FCHO2: variants seen among roughly 807,000 people sequenced by gnomAD.
The protein encoded by FCHO2 is FCH and mu domain containing endocytic adaptor 2.
A neutral mutation model predicts 114.1 loss-of-function variants in FCHO2; 43 were observed. The ratio of observed to expected loss-of-function variants is 0.38; its 90% CI spans 0.30 to 0.49. FCHO2 has a LOEUF of 0.49. Ranked by LOEUF, FCHO2 falls within the 20% of genes least tolerant of loss-of-function variation. The probability of loss-of-function intolerance (pLI) is 0.97; values close to 1 mark genes in which losing one functional copy is unlikely to be tolerated. For synonymous variants in FCHO2, 293 were observed against 315.2 expected (o/e 0.93, Z 0.75); for missense variants, 807 against 950.4 (o/e 0.85, Z 1.98).
At chr5:73,004,372 A>C (rs1000854299) in intron 5 of FCHO2, among the ~76,000 whole-genome samples, 51 of 152,266 alleles carry the variant, frequency 3.3e-4, no homozygotes, top group African/African-American at 1.2e-3. Flanking sequence ...AACTGGGAGA[A>C]GAGTAAAACA....
intron 22 of FCHO2, among the ~76,000 whole-genome samples, 180 bp downstream of exon 22, chr5:73,078,492 CATTTATTCATG>C (rs1561496991): frequency 1.3e-5 from 2 of 152,096 alleles, no homozygotes; most frequent in Non-Finnish European, 2.9e-5. Context: ...TAAAATTCAC[CATTTATTCATG>C]ATTAAAATAC....
chr5:73,021,270 G>A, intron 8 of FCHO2: 3 of 560,050 alleles, frequency 5.4e-6, no homozygotes, highest in Non-Finnish European at 1.0e-5. Flanking sequence ...ATGGAGGGCT[G>A]AGAACCCATC....
intron 5 of FCHO2, among the ~76,000 whole-genome samples, chr5:72,999,182 A>G (rs1754292280): frequency 6.6e-6 from 1 of 151,928 alleles, no homozygotes; most frequent in Non-Finnish European, 1.5e-5. Context: ...TTGTGATATT[A>G]GATAGTGGGT....
At chr5:72,998,442 G>A (rs1274614589) in intron 5 of FCHO2, among the ~76,000 whole-genome samples, 3 of 151,728 alleles carry the variant, frequency 2.0e-5, no homozygotes, top group South Asian at 2.1e-4. Flanking sequence ...AGCCGAGATC[G>A]AGCCACTGCA....
chr5:72,985,453 C>T lies in FCHO2; in HGVS notation c.126-3974C>T, dbSNP rs1049030129. On this transcript the variant is annotated intron_variant, in intron 2 of 25. Transcript: ENST00000430046. The stretch of plus-strand genomic sequence containing the variant: ...CTGGGATTACAGACATGAGCCACCA[C>T]GCCCGCCTCTATTCAGTATTTTGGA... 1.1e-4 allele frequency among the ~76,000 whole-genome samples: 17 copies of T among 152,100 alleles called. 1 individual carries two copies. Among genetic ancestry groups the T allele is most frequent in the Admixed American group, 8.5e-4 (13 of 15,266 alleles).
At chr5:73,062,492 C>T (rs182926016) in intron 17 of FCHO2, among the ~76,000 whole-genome samples, 141 of 152,066 alleles carry the variant, frequency 9.3e-4, no homozygotes, top group Non-Finnish European at 1.1e-3. Context: ...ATATGTAATA[C>T]ACAGGGAAGT....
chr5:73,045,516 G>C (rs1228495981), intron 11 of FCHO2, among the ~76,000 whole-genome samples: 1 of 152,078 alleles, frequency 6.6e-6, no homozygotes, highest in Non-Finnish European at 1.5e-5. Context: ...AGGACATTTT[G>C]GTTGTTTTTC....
intron 24 of FCHO2, among the ~76,000 whole-genome samples, chr5:73,083,540 C>CT (rs1743192433): frequency 6.6e-6 from 1 of 152,134 alleles, no homozygotes; most frequent in Admixed American, 6.5e-5. Flanking sequence ...TTAGTTCATT[C>CT]TGTTAACGGG....
intron 11 of FCHO2, among the ~76,000 whole-genome samples, chr5:73,050,822 A>G (rs1757307164): frequency 6.6e-6 from 1 of 152,126 alleles, no homozygotes; most frequent in Admixed American, 6.5e-5. Context: ...CTCTCTCATG[A>G]CACACATGGT....
chr5:73,013,673 CT>C (rs1755143237), intron 6 of FCHO2, among the ~76,000 whole-genome samples: 1 of 151,982 alleles, frequency 6.6e-6, no homozygotes, highest in Non-Finnish European at 1.5e-5. Flanking sequence ...CTCAGACCTT[CT>C]TTTTTTTCTC....
chr5:73,045,128 C>T (rs1756996193), intron 11 of FCHO2, among the ~76,000 whole-genome samples: 1 of 152,142 alleles, frequency 6.6e-6, no homozygotes, highest in South Asian at 2.1e-4. Flanking sequence ...CCCCTTCTTC[C>T]TGACACTAAC....
intron 2 of FCHO2, among the ~76,000 whole-genome samples, chr5:72,974,359 A>C (rs1040289580): frequency 1.4e-5 from 2 of 143,278 alleles, no homozygotes; most frequent in Admixed American, 6.8e-5. Context: ...TAGGTCACTC[A>C]GGACTTGCTT....
intron 1 of FCHO2, among the ~76,000 whole-genome samples, chr5:72,964,261 G>A (rs995898002): frequency 2.0e-5 from 3 of 152,140 alleles, no homozygotes; most frequent in Non-Finnish European, 4.4e-5. Flanking sequence ...GAATATCTGA[G>A]AGGTGAGAAA....
At chr5:73,082,051 G>C (rs1743111115) in intron 23 of FCHO2, 69 bp downstream of exon 23, 1 of 1,322,998 alleles carries the variant, frequency 7.6e-7, no homozygotes, top group African/African-American at 1.5e-5. Flanking sequence ...TAGAACCCAA[G>C]TTCTGTAAGT....
chr5:72,994,254 A>C (rs1312744113), intron 5 of FCHO2, among the ~76,000 whole-genome samples: 1 of 152,236 alleles, frequency 6.6e-6, no homozygotes, highest in Non-Finnish European at 1.5e-5. Context: ...AAGGTCTGAC[A>C]TCCAGCATCT....
chr5:73,062,636 G>A (rs1450074584), intron 17 of FCHO2, among the ~76,000 whole-genome samples: 2 of 151,908 alleles, frequency 1.3e-5, no homozygotes, highest in Non-Finnish European at 2.9e-5. Context: ...TAGCTTTTTT[G>A]TTTTCCTTAA....
chr5:72,997,428 C>G, intron 5 of FCHO2: 1 of 1,599,746 alleles, frequency 6.3e-7, no homozygotes, highest in Non-Finnish European at 8.6e-7. Context: ...AAGGACCTCT[C>G]TTTGGTCCAC....
chr5:73,041,152 T>C (rs1283221511), intron 10 of FCHO2, 139 bp from the exon 11 acceptor site: 4 of 617,010 alleles, frequency 6.5e-6, no homozygotes, highest in Non-Finnish European at 1.1e-5. Flanking sequence ...TGTTTTAATC[T>C]TCATGGTTTG....
At chr5:73,015,838 C>G (rs1755279347) in intron 7 of FCHO2, 114 bp downstream of exon 7, 1 of 487,006 alleles carries the variant, frequency 2.1e-6, no homozygotes, top group Non-Finnish European at 3.5e-6. Flanking sequence ...CGAATTTTTC[C>G]AAATAAAGAA....
Sources: allele counts gnomAD v4.1 joint callset (sites outside exome capture counted in the v4.1 genomes callset), GRCh38; gene constraint gnomAD v4.1.1; transcripts MANE v1.5; gene names NCBI Gene and HGNC (gene_info 2026-07-23, HGNC 2026-07-21).